KCNN3: variants seen among roughly 807,000 people sequenced by gnomAD.
KCNN3 encodes small conductance calcium-activated potassium channel protein 3.
In KCNN3, 16 loss-of-function variants were observed where a neutral mutation model predicts 62.9. That is an observed-to-expected ratio of 0.25 (90% CI 0.17 to 0.39). The LOEUF (loss-of-function observed/expected upper bound fraction) is 0.39. Among genes scored for constraint, KCNN3 ranks in the 10% least tolerant of loss-of-function variants. The pLI, the probability that KCNN3 is intolerant of heterozygous loss-of-function variation, is 1.00. For missense variants in KCNN3, 599 were observed against 949.4 expected (o/e 0.63, Z 4.85); for synonymous variants, 370 against 389.2 (o/e 0.95, Z 0.58).
intron 1 of KCNN3, among the ~76,000 whole-genome samples, chr1:154,841,765 T>A (rs530954652): frequency 6.6e-6 from 1 of 151,786 alleles, no homozygotes; most frequent in African/African-American, 2.4e-5. Flanking sequence ...CTAGCAGGAG[T>A]AAGGATGAGA....
intron 3 of KCNN3, among the ~76,000 whole-genome samples, chr1:154,755,546 G>GAAA (rs1647619751): frequency 2.0e-5 from 2 of 100,588 alleles, no homozygotes; most frequent in South Asian, 4.4e-4. Context: ...AGGAAAGGAA[G>GAAA]GAAGGAAGAA....
At chr1:154,796,698 C>T (rs1395562) in intron 2 of KCNN3, among the ~76,000 whole-genome samples, 21,923 of 152,232 alleles carry the variant, frequency 0.14, 1,757 homozygotes, top group Middle Eastern at 0.2. Context: ...GCTGGGGGCC[C>T]CTGCCGCTGT....
intron 2 of KCNN3, among the ~76,000 whole-genome samples, chr1:154,791,511 C>T (rs939225349): frequency 1.3e-5 from 2 of 151,894 alleles, no homozygotes; most frequent in Non-Finnish European, 2.9e-5. Context: ...CCAAGCCTGG[C>T]TAAAACCAAA....
At chr1:154,818,226 T>A (rs1342555679) in intron 2 of KCNN3, among the ~76,000 whole-genome samples, 1 of 151,998 alleles carries the variant, frequency 6.6e-6, no homozygotes, top group Non-Finnish European at 1.5e-5. Flanking sequence ...TGGGGTGGGG[T>A]GCCATCTTCC....
chr1:154,754,772 C>T (rs555346119), intron 3 of KCNN3, among the ~76,000 whole-genome samples: 35 of 152,134 alleles, frequency 2.3e-4, no homozygotes, highest in Non-Finnish European at 4.6e-4. Flanking sequence ...ACTTCTTTGG[C>T]GTCAGACAGA....
intron 3 of KCNN3, among the ~76,000 whole-genome samples, chr1:154,747,615 G>T (rs557393394): frequency 5.3e-5 from 8 of 152,298 alleles, no homozygotes; most frequent in Non-Finnish European, 1.0e-4. Context: ...CAGCTAGCCT[G>T]ATGGAAATGA....
At chr1:154,729,403 C>T (rs961869525) in intron 4 of KCNN3, among the ~76,000 whole-genome samples, 21 of 152,034 alleles carry the variant, frequency 1.4e-4, no homozygotes, top group Admixed American at 3.9e-4. Flanking sequence ...GAGGGAGCAC[C>T]GAGTGCATGG....
At chr1:154,770,456 G>T (rs1400894401) in intron 3 of KCNN3, among the ~76,000 whole-genome samples, 1 of 152,190 alleles carries the variant, frequency 6.6e-6, no homozygotes, top group Non-Finnish European at 1.5e-5. Context: ...TCTTTGTCTT[G>T]TTTGATCTCT....
At chr1:154,768,432 G>A (rs1648393898) in intron 3 of KCNN3, among the ~76,000 whole-genome samples, 1 of 152,268 alleles carries the variant, frequency 6.6e-6, no homozygotes, top group African/African-American at 2.4e-5. Context: ...CAGTCTGTGA[G>A]ATGCTGAGAT....
chr1:154,849,737 G>T (rs961571571), intron 1 of KCNN3, among the ~76,000 whole-genome samples: 1 of 152,182 alleles, frequency 6.6e-6, no homozygotes. Context: ...CTCCATTTTC[G>T]CATTCATCCT....
intron 7 of KCNN3, among the ~76,000 whole-genome samples, chr1:154,711,906 G>GAGGGAGAGGAAGAGAGAGACAGGGAA (rs796537979): frequency 2.0e-5 from 3 of 152,008 alleles, no homozygotes; most frequent in African/African-American, 7.3e-5. Context: ...GAGGAAGAGA[G>GAGGGAGAGGAAGAGAGAGACAGGGAA]AGGGAGAGGA....
In KCNN3 at chr1:154,707,649, T is replaced by G; in HGVS notation, c.*327A>C. ...CTTCGCTGTTGGCTACTTCAGTGCA[T>G]CTGACCCCCACCCCCCGCGTGAAGA... On this transcript the variant is annotated 3_prime_UTR_variant, in exon 8 of 8. Coordinates refer to ENST00000271915, the MANE Select transcript of KCNN3 (RefSeq NM_002249.6). 1 of 261,958 alleles carries G rather than the reference T, an allele frequency of 3.8e-6. No individual in the cohort carries two copies. 16.2% of individuals were successfully genotyped at this position (261,958 alleles called of 1,614,324 possible).
In KCNN3 at chr1:154,697,746, GA is replaced by G. The variant is rs893224896; in HGVS notation, c.*10229del. 3 of 152,162 alleles carry G rather than the reference GA, an allele frequency of 2.0e-5. No individual in the cohort carries two copies. The highest frequency in any genetic ancestry group is 7.2e-5 in the African/African-American group (3 of 41,420). 9.4% of individuals were successfully genotyped at this position (152,162 alleles called of 1,614,324 possible). A position where few individuals can be genotyped will look rare whatever the true frequency, so the allele number is the denominator to read the frequency against. Reference sequence around the variant, plus strand: ...ACACATGTGGTCAATACACATCCTGGATCTTACAAATCCAATGGTGGCCAGC... The same window carrying G: ...ACACATGTGGTCAATACACATCCTGGTCTTACAAATCCAATGGTGGCCAGC... On this transcript the variant is annotated 3_prime_UTR_variant, in exon 8 of 8. Coordinates refer to ENST00000271915, the MANE Select transcript of KCNN3 (RefSeq NM_002249.6).
At chr1:154,739,356 A>T (rs908084790) in intron 3 of KCNN3, among the ~76,000 whole-genome samples, 7 of 152,244 alleles carry the variant, frequency 4.6e-5, no homozygotes, top group African/African-American at 1.7e-4. Flanking sequence ...AACCTGTGGG[A>T]TCTACTTGTA....
At chr1:154,708,680 T>G (rs538344328) in intron 7 of KCNN3, among the ~76,000 whole-genome samples, 1 of 152,126 alleles carries the variant, frequency 6.6e-6, no homozygotes, top group South Asian at 2.1e-4. Context: ...GTATAATTAG[T>G]AGGCCAGGGC....
chr1:154,774,582 G>A lies in KCNN3; in HGVS notation c.1030-2189C>T, dbSNP rs769010084. ...GCAGGCACCTCACTTCTGGGAGGTA[G>A]TGGAATGTTTATCATCACACTATGC... On this transcript the variant is annotated intron_variant, in intron 2 of 7. Transcript: ENST00000271915. Among the ~76,000 whole-genome samples the A allele has an allele frequency of 8.5e-5, 13 of 152,260 alleles. No homozygotes were observed. In the South Asian group the frequency reaches 1.0e-3, roughly 12 times the overall value.
intron 3 of KCNN3, among the ~76,000 whole-genome samples, chr1:154,739,805 C>T (rs902705255): frequency 5.3e-5 from 8 of 152,228 alleles, no homozygotes; most frequent in Non-Finnish European, 1.0e-4. Context: ...GAGGCAAGCC[C>T]GTGGAGTGCC....
In KCNN3 at chr1:154,818,156, C is replaced by T. The variant is rs112457201; in HGVS notation, c.1029+3933G>A. 2.7e-4 allele frequency among the ~76,000 whole-genome samples: 41 copies of T among 152,242 alleles called. 1 individual carries two copies. The highest frequency in any genetic ancestry group is 9.2e-4 in the African/African-American group (38 of 41,522). The stretch of plus-strand genomic sequence containing the variant: ...CACACTGGCCTGAGGAAAAGAGGTG[C>T]CTGAGTCTTTGAAAGGTCCGTGCTC... On this transcript the variant is annotated intron_variant, in intron 2 of 7. Coordinates refer to ENST00000271915, the MANE Select transcript of KCNN3 (RefSeq NM_002249.6).
intron 5 of KCNN3, among the ~76,000 whole-genome samples, chr1:154,725,417 G>A (rs534218657): frequency 2.0e-5 from 3 of 152,106 alleles, no homozygotes; most frequent in Admixed American, 6.5e-5. Flanking sequence ...CACAGTGATC[G>A]AACAGAAGAC....
Sources: allele counts gnomAD v4.1 joint callset (sites outside exome capture counted in the v4.1 genomes callset), GRCh38; gene constraint gnomAD v4.1.1; transcripts MANE v1.5; gene names NCBI Gene and HGNC (gene_info 2026-07-23, HGNC 2026-07-21).